Variants in LRP1B observed in about 807,000 individuals in gnomAD.
LRP1B encodes the protein low-density lipoprotein receptor-related protein 1B.
LRP1B carries 217 observed loss-of-function variants against 556.6 expected under a neutral mutation model. The observed-to-expected ratio is 0.39, with a 90% CI of 0.35 to 0.44. LRP1B has a LOEUF of 0.44. Among genes scored for constraint, LRP1B ranks in the 20% least tolerant of loss-of-function variants. The pLI, the probability that LRP1B is intolerant of heterozygous loss-of-function variation, is 1.00. For missense variants in LRP1B, 5,053 were observed against 5,620.8 expected, an observed-to-expected ratio of 0.90 and a Z score of 3.23; for synonymous variants, 2,047 against 1,865.8, an observed-to-expected ratio of 1.10 and a Z score of -2.50.
At chr2:141,828,005 T>C (rs1696994112) in intron 1 of LRP1B, among the ~76,000 whole-genome samples, 1 of 151,970 alleles carries the variant, frequency 6.6e-6, no homozygotes, top group African/African-American at 2.4e-5. Context: ...CAGTGCAACA[T>C]TATATAGCCA....
chr2:140,491,435 A>T, intron 57 of LRP1B, among the ~76,000 whole-genome samples: 1 of 152,088 alleles, frequency 6.6e-6, no homozygotes, highest in East Asian at 1.9e-4. Context: ...TCCAGAGACT[A>T]TACTAGAAAA....
chr2:140,898,209 A>G (rs1456940115), intron 23 of LRP1B, among the ~76,000 whole-genome samples: 1 of 152,172 alleles, frequency 6.6e-6, no homozygotes, highest in Non-Finnish European at 1.5e-5. Context: ...ATGTCTGTCC[A>G]TACTTCATTG....
chr2:141,184,438 T>C (rs939795122), intron 7 of LRP1B, among the ~76,000 whole-genome samples: 2 of 152,026 alleles, frequency 1.3e-5, no homozygotes, highest in African/African-American at 4.8e-5. Flanking sequence ...GTGCCCACTC[T>C]ATACCCGGAG....
Position 140,247,114 on chromosome 2 carries a change from C to T in LRP1B, c.13296G>A (p.Lys4432=), listed in dbSNP as rs1460687362. The part of the protein sequence containing the change: ...SGTQCERPAP[K]SSKSDHISTR... ...TGCTGATATGATCAGACTTGCTGCT[C>T]TTTGGGGCTGGCCTTTCACACTGTG... The change falls in exon 87 of 91, where the codon AAG becomes AAA. Residue 4432 remains lysine, a synonymous_variant. Coordinates refer to ENST00000389484, the MANE Select transcript of LRP1B (RefSeq NM_018557.3). 1.9e-6 allele frequency: 3 copies of T among 1,609,438 alleles called. No individual in the cohort carries two copies. Among genetic ancestry groups the T allele is most frequent in the Non-Finnish European group, 2.5e-6 (3 of 1,176,806 alleles).
intron 3 of LRP1B, among the ~76,000 whole-genome samples, chr2:141,397,816 C>A (rs1305268015): frequency 6.7e-6 from 1 of 150,328 alleles, no homozygotes; most frequent in Non-Finnish European, 1.5e-5. Context: ...ATTATATATA[C>A]ATATATATTT....
rs1393296650 is a variant in LRP1B, at chr2:141,339,658, C to A, written c.344-85017G>T. Among the ~76,000 whole-genome samples, 6 of 152,264 alleles carry A rather than the reference C, an allele frequency of 3.9e-5. No individual in the cohort carries two copies. In the South Asian group the frequency reaches 1.2e-3, roughly 32 times the overall value. ...TATATTCTCTAACCACTGGCGAAACCAGTCTCAGTTTGAATGTGGCGTGGT... is the reference window on the plus strand; with the variant it reads ...TATATTCTCTAACCACTGGCGAAACAAGTCTCAGTTTGAATGTGGCGTGGT... On this transcript the variant is annotated intron_variant, in intron 3 of 90. Transcript: ENST00000389484.
At chr2:140,268,467 CT>C (rs1225647867) in intron 86 of LRP1B, among the ~76,000 whole-genome samples, 6 of 151,940 alleles carry the variant, frequency 3.9e-5, no homozygotes, top group Non-Finnish European at 7.4e-5. Context: ...AATAAAATAT[CT>C]GAATTTTAAT....
chr2:141,485,448 A>C (rs541073010), intron 2 of LRP1B, among the ~76,000 whole-genome samples: 70 of 152,254 alleles, frequency 4.6e-4, no homozygotes, highest in Middle Eastern at 6.8e-3. Context: ...CTCTTTGACC[A>C]GTGCTAGGAT....
chr2:141,577,329 C>T (rs1236758408), intron 2 of LRP1B, among the ~76,000 whole-genome samples: 1 of 152,144 alleles, frequency 6.6e-6, no homozygotes, highest in East Asian at 1.9e-4. Context: ...CCTACACTAC[C>T]AGGGAAAATA....
rs1393378745 is a variant in LRP1B, at chr2:140,598,764, G to T, written c.7061C>A (p.Ala2354Asp). ...IMRSTLTGKN[A>D]QVVVSTDILT... ...TATGTCTGTACTGACCACCACTTGA[G>T]CATTTTTCCCAGTCAGAGTAGATCT... Residue 2354 changes from alanine (A) to aspartate (D), a missense_variant, in exon 43 of 91, where the codon GCT (alanine) becomes GAT (aspartate). By Grantham distance (126) the Ala-to-Asp change is moderately radical. Transcript: ENST00000389484. 6.2e-7 allele frequency: 1 copy of T among 1,612,790 alleles called. No homozygotes were observed. The highest frequency in any genetic ancestry group is 1.1e-5 in the South Asian group (1 of 91,042).
chr2:141,722,700 T>C (rs958313081), intron 2 of LRP1B, among the ~76,000 whole-genome samples: 8 of 151,256 alleles, frequency 5.3e-5, no homozygotes, highest in African/African-American at 1.9e-4. Context: ...TCTCTCTACA[T>C]ATAAGACAGA....
intron 1 of LRP1B, among the ~76,000 whole-genome samples, chr2:142,127,882 T>G (rs1258784244): frequency 6.6e-6 from 1 of 152,084 alleles, no homozygotes; most frequent in Admixed American, 6.5e-5. Flanking sequence ...TAAGATATAC[T>G]TCCTTTTAAG....
intron 17 of LRP1B, 122 bp downstream of exon 17, chr2:140,989,410 A>G: frequency 1.0e-6 from 1 of 986,660 alleles, no homozygotes; most frequent in Middle Eastern, 2.4e-4. Flanking sequence ...GAATTCATTT[A>G]CTACTGCAAT....
At chr2:140,595,098 A>ATATATATC (rs1558992083) in intron 43 of LRP1B, among the ~76,000 whole-genome samples, 1 of 50,642 alleles carries the variant, frequency 2.0e-5, no homozygotes, top group Non-Finnish European at 4.1e-5. Context: ...ATATATATAT[A>ATATATATC]TATATATATA....
chr2:140,325,697 T>G, intron 80 of LRP1B, 65 bp downstream of exon 80: 1 of 1,079,478 alleles, frequency 9.3e-7, no homozygotes, highest in East Asian at 2.5e-5. Context: ...CATACTTACA[T>G]TTTTGTATTA....
At chr2:141,898,818 G>A (rs1045006563) in intron 1 of LRP1B, among the ~76,000 whole-genome samples, 1 of 152,046 alleles carries the variant, frequency 6.6e-6, no homozygotes, top group Non-Finnish European at 1.5e-5. Flanking sequence ...GCCATAATTT[G>A]TTATAGAATA....
intron 2 of LRP1B, among the ~76,000 whole-genome samples, chr2:141,769,502 G>T (rs1162371036): frequency 6.6e-6 from 1 of 152,170 alleles, no homozygotes; most frequent in African/African-American, 2.4e-5. Flanking sequence ...TGTGGTGTTG[G>T]TTCGAATCAG....
At chr2:141,672,940 CTACCAAG>C (rs927312368) in intron 2 of LRP1B, among the ~76,000 whole-genome samples, 1 of 152,180 alleles carries the variant, frequency 6.6e-6, no homozygotes. Context: ...CTGTGCCACT[CTACCAAG>C]CCCTGGTTTT....
chr2:140,702,355 G>A (rs2105429521), intron 38 of LRP1B, 63 bp from the exon 39 acceptor site: 1 of 1,605,388 alleles, frequency 6.2e-7, no homozygotes, highest in Non-Finnish European at 8.5e-7. Flanking sequence ...AGAAAATAAA[G>A]GAACACTAAA....
Sources: gnomAD v4.1 joint callset for allele counts (sites outside exome capture counted in the v4.1 genomes callset) on GRCh38, gnomAD v4.1.1 for gene constraint, MANE v1.5 for transcripts, NCBI Gene and HGNC (gene_info 2026-07-23, HGNC 2026-07-21) for gene names.